The following MAP3K5 variants were observed in gnomAD, a reference collection of about 807,000 sequenced individuals.
MAP3K5 encodes the protein ASK-1.
A neutral mutation model predicts 158.7 loss-of-function variants in MAP3K5; 56 were observed. That is an observed-to-expected ratio of 0.35 (90% CI 0.28 to 0.44). The LOEUF (loss-of-function observed/expected upper bound fraction) is 0.44. MAP3K5 is among the 20% of genes least tolerant of loss of function. MAP3K5 has a pLI of 1.00. For synonymous variants in MAP3K5, 579 were observed against 601.7 expected (o/e 0.96, Z 0.55); for missense variants, 1,294 against 1,674.8 (o/e 0.77, Z 3.97).
chr6:136,631,508 CT>C (rs1160301228), intron 14 of MAP3K5, among the ~76,000 whole-genome samples: 98 of 148,312 alleles, frequency 6.6e-4, no homozygotes, highest in South Asian at 2.1e-3. Flanking sequence ...AATAATGTCA[CT>C]TTTTTTTTTC....
At chr6:136,737,392 A>G (rs1437731702) in intron 1 of MAP3K5, among the ~76,000 whole-genome samples, 2 of 152,158 alleles carry the variant, frequency 1.3e-5, no homozygotes, top group Non-Finnish European at 2.9e-5. Flanking sequence ...AACTAAAATA[A>G]AAGTTGAAAA....
intron 8 of MAP3K5, among the ~76,000 whole-genome samples, chr6:136,662,733 A>G (rs951108593): frequency 1.3e-5 from 2 of 152,238 alleles, no homozygotes; most frequent in African/African-American, 4.8e-5. Flanking sequence ...TCATCCATAC[A>G]GAAAAATTAA....
At chr6:136,688,657 G>GA (rs1166300826) in intron 7 of MAP3K5, among the ~76,000 whole-genome samples, 1 of 152,030 alleles carries the variant, frequency 6.6e-6, no homozygotes, top group Non-Finnish European at 1.5e-5. Flanking sequence ...AACAAAACCA[G>GA]AAAAAACTCT....
At chr6:136,708,582 C>T (rs1211189642) in intron 2 of MAP3K5, among the ~76,000 whole-genome samples, 1 of 152,008 alleles carries the variant, frequency 6.6e-6, no homozygotes, top group Non-Finnish European at 1.5e-5. Flanking sequence ...TGGGGAAAAG[C>T]ATTTAGGTGG....
intron 1 of MAP3K5, among the ~76,000 whole-genome samples, chr6:136,773,962 C>T (rs1038602008): frequency 6.6e-6 from 1 of 152,170 alleles, no homozygotes; most frequent in Non-Finnish European, 1.5e-5. Context: ...GCCCCGCCGT[C>T]CATCTTTAAA....
At chr6:136,733,390 T>C (rs1332112582) in intron 1 of MAP3K5, among the ~76,000 whole-genome samples, 1 of 152,216 alleles carries the variant, frequency 6.6e-6, no homozygotes, top group Non-Finnish European at 1.5e-5. Context: ...GAATCCCTCA[T>C]ATCACTTCAC....
chr6:136,564,050 C>A (rs1830630889), intron 26 of MAP3K5, among the ~76,000 whole-genome samples: 1 of 152,144 alleles, frequency 6.6e-6, no homozygotes, highest in South Asian at 2.1e-4. Context: ...GTTTTCAAAT[C>A]ATTTGTAAAA....
chr6:136,588,816 C>T (rs994173325), intron 23 of MAP3K5, among the ~76,000 whole-genome samples: 1 of 152,202 alleles, frequency 6.6e-6, no homozygotes, highest in Non-Finnish European at 1.5e-5. Flanking sequence ...CGCCACGAAG[C>T]ATGCATGACA....
At chr6:136,711,671 A>AAAAG (rs145580138) in intron 2 of MAP3K5, among the ~76,000 whole-genome samples, 37 of 147,974 alleles carry the variant, frequency 2.5e-4, no homozygotes, top group African/African-American at 5.8e-4. Context: ...CTCAAAAAAA[A>AAAAG]AAAGAAAGAA....
intron 25 of MAP3K5, among the ~76,000 whole-genome samples, chr6:136,575,333 T>C (rs562939010): frequency 6.6e-6 from 1 of 151,876 alleles, no homozygotes; most frequent in Non-Finnish European, 1.5e-5. Context: ...GACTTATTTT[T>C]GTATTTTTCA....
Position 136,780,231 on chromosome 6 carries a change from T to G in MAP3K5, c.448+11479A>C, listed in dbSNP as rs183615261. 4.3e-3 allele frequency among the ~76,000 whole-genome samples: 657 copies of G among 152,328 alleles called. 2 individuals carry two copies. The highest frequency in any genetic ancestry group is 0.015 in the African/African-American group (619 of 41,568). ...TAAATATTACCTTATGCAAAACTGATAGTAATGCAAATATTTTTTGTCCAC... is the reference window on the plus strand; with the variant it reads ...TAAATATTACCTTATGCAAAACTGAGAGTAATGCAAATATTTTTTGTCCAC... On this transcript the variant is annotated intron_variant, in intron 1 of 29. Coordinates refer to ENST00000359015, the MANE Select transcript of MAP3K5 (RefSeq NM_005923.4).
intron 7 of MAP3K5, among the ~76,000 whole-genome samples, chr6:136,680,558 C>T (rs1319576877): frequency 6.6e-6 from 1 of 152,178 alleles, no homozygotes; most frequent in Non-Finnish European, 1.5e-5. Flanking sequence ...GATCAAAGAA[C>T]ATGAATTATT....
chr6:136,710,303 A>G (rs531992418), intron 2 of MAP3K5, among the ~76,000 whole-genome samples: 1 of 152,316 alleles, frequency 6.6e-6, no homozygotes, highest in South Asian at 2.1e-4. Flanking sequence ...AGATAAAATC[A>G]ATATAAACTC....
At chr6:136,566,686 TC>T (rs1774124448) in intron 26 of MAP3K5, among the ~76,000 whole-genome samples, 1 of 152,218 alleles carries the variant, frequency 6.6e-6, no homozygotes, top group African/African-American at 2.4e-5. Context: ...ATAAGACTGC[TC>T]TATGCACATC....
chr6:136,781,427 G>A (rs952722666), intron 1 of MAP3K5, among the ~76,000 whole-genome samples: 16 of 152,298 alleles, frequency 1.1e-4, no homozygotes, highest in African/African-American at 3.4e-4. Context: ...AACTGCCATC[G>A]TGGAACAAAA....
intron 1 of MAP3K5, among the ~76,000 whole-genome samples, chr6:136,761,787 C>G (rs1385720079): frequency 6.6e-6 from 1 of 152,096 alleles, no homozygotes; most frequent in African/African-American, 2.4e-5. Flanking sequence ...GAACTCTAAG[C>G]AGGAAACTGC....
rs1307342240 is a variant in MAP3K5 at position 136,601,996 on chromosome 6, A to G, written c.2680-17T>C. 2 of 1,607,964 alleles carry G rather than the reference A, an allele frequency of 1.2e-6. No individual in the cohort carries two copies. The highest frequency in any genetic ancestry group is 8.5e-7 in the Non-Finnish European group (1 of 1,176,772). ...CATTCCCACCTAAGACATAAATATA[A>G]AAAGTGCAATGTGCCTTCTGAGTGA... On this transcript the variant is annotated splice_polypyrimidine_tract_variant and intron_variant, in intron 19 of 29. Coordinates refer to ENST00000359015, the MANE Select transcript of MAP3K5 (RefSeq NM_005923.4).
intron 14 of MAP3K5, among the ~76,000 whole-genome samples, chr6:136,624,158 C>T (rs981491433): frequency 1.3e-5 from 2 of 152,064 alleles, no homozygotes; most frequent in Non-Finnish European, 2.9e-5. Flanking sequence ...GGCGACACTG[C>T]ACTCCAGCCT....
intron 23 of MAP3K5, among the ~76,000 whole-genome samples, chr6:136,587,205 T>C (rs569499661): frequency 2.9e-4 from 44 of 152,286 alleles, no homozygotes; most frequent in African/African-American, 1.0e-3. Context: ...CTGACCAATA[T>C]CTAGATTTGG....
Sources: gnomAD v4.1 joint callset for allele counts (sites outside exome capture counted in the v4.1 genomes callset) on GRCh38, gnomAD v4.1.1 for gene constraint, MANE v1.5 for transcripts, NCBI Gene and HGNC (gene_info 2026-07-23, HGNC 2026-07-21) for gene names.